KCNQ3: variants seen among roughly 807,000 people sequenced by gnomAD.
The protein encoded by KCNQ3 is potassium voltage-gated channel subfamily Q member 3.
In KCNQ3, 30 loss-of-function variants were observed where a neutral mutation model predicts 92.5. That is an observed-to-expected ratio of 0.32 (90% confidence interval 0.24 to 0.44). The LOEUF (loss-of-function observed/expected upper bound fraction) is 0.44, where lower values mean the gene tolerates loss of function less well. Among genes scored for constraint, KCNQ3 ranks in the 20% least tolerant of loss-of-function variants. The pLI is 1.00. For synonymous variants in KCNQ3, 450 were observed against 468.8 expected (o/e 0.96, Z 0.52); for missense variants, 913 against 1,140.3 (o/e 0.80, Z 2.87).
intron 1 of KCNQ3, among the ~76,000 whole-genome samples, chr8:132,235,269 GT>G (rs61225474): frequency 0.14 from 21,593 of 150,610 alleles, 1,803 homozygotes; most frequent in African/African-American, 0.23. Context: ...GAGGCCAAGG[GT>G]GGGGGGGGAA....
intron 1 of KCNQ3, among the ~76,000 whole-genome samples, chr8:132,242,754 A>T (rs1249485927): frequency 6.6e-6 from 1 of 152,234 alleles, no homozygotes; most frequent in African/African-American, 2.4e-5. Context: ...ATTATTTTTT[A>T]ATCTGAATCC....
chr8:132,347,360 A>G (rs1256287699), intron 1 of KCNQ3, among the ~76,000 whole-genome samples: 1 of 152,146 alleles, frequency 6.6e-6, no homozygotes, highest in Non-Finnish European at 1.5e-5. Flanking sequence ...GATGATGGTG[A>G]TGATCTTATA....
chr8:132,195,006 C>T (rs984239209), intron 1 of KCNQ3, among the ~76,000 whole-genome samples: 2 of 152,150 alleles, frequency 1.3e-5, no homozygotes, highest in African/African-American at 4.8e-5. Context: ...CTGATTACAA[C>T]CCGTCCACTT....
intron 9 of KCNQ3, among the ~76,000 whole-genome samples, chr8:132,142,726 T>C (rs1300990597): frequency 6.6e-6 from 1 of 152,158 alleles, no homozygotes; most frequent in African/African-American, 2.4e-5. Context: ...CAGCTCTGCA[T>C]GGGTTTGCGA....
At chr8:132,371,371 C>A (rs1457825917) in intron 1 of KCNQ3, among the ~76,000 whole-genome samples, 1 of 152,166 alleles carries the variant, frequency 6.6e-6, no homozygotes, top group African/African-American at 2.4e-5. Context: ...TACTGAATCC[C>A]AAAGCAGGTA....
chr8:132,375,850 A>C (rs1312471552), intron 1 of KCNQ3, among the ~76,000 whole-genome samples: 2 of 152,144 alleles, frequency 1.3e-5, no homozygotes, highest in African/African-American at 4.8e-5. Flanking sequence ...CCCCCATGCC[A>C]GGTAAATGCT....
intron 1 of KCNQ3, among the ~76,000 whole-genome samples, chr8:132,399,373 C>G (rs1293492104): frequency 2.0e-5 from 3 of 152,122 alleles, no homozygotes; most frequent in Admixed American, 1.3e-4. Context: ...CTGCCTGTCC[C>G]TCAGGAAGAC....
In KCNQ3 at chr8:132,123,727, AAAG is replaced by A. The variant is rs1287016678; in HGVS notation, c.*5532_*5534del. 1 of 152,202 alleles carries A rather than the reference AAAG, an allele frequency of 6.6e-6. No homozygotes were observed. The highest frequency in any genetic ancestry group is 1.5e-5 in the Non-Finnish European group (1 of 68,050). The allele number at this position is 152,202 out of a possible 1,614,324, so 9.4% of individuals were successfully genotyped here. A position where few individuals can be genotyped will look rare whatever the true frequency, so the allele number is the denominator to read the frequency against. Reference sequence around the variant, plus strand: ...TCTGAGCTTCTGCTTCTTGATCTAAAAAGACAGGTGGTTGTTCTGGGTGATCAA... The same window carrying A: ...TCTGAGCTTCTGCTTCTTGATCTAAAACAGGTGGTTGTTCTGGGTGATCAA... On this transcript the variant is annotated 3_prime_UTR_variant, in exon 15 of 15. Transcript: ENST00000388996.
intron 1 of KCNQ3, among the ~76,000 whole-genome samples, chr8:132,249,408 C>T (rs1039037866): frequency 1.2e-4 from 19 of 152,208 alleles, no homozygotes; most frequent in Non-Finnish European, 2.2e-4. Context: ...TAAGTCCCCA[C>T]TAGATTAGCT....
At chr8:132,394,108 T>C (rs897105267) in intron 1 of KCNQ3, among the ~76,000 whole-genome samples, 4 of 152,154 alleles carry the variant, frequency 2.6e-5, no homozygotes, top group Non-Finnish European at 5.9e-5. Flanking sequence ...GAAACCTGAC[T>C]CTGATTCAGG....
chr8:132,354,568 C>A (rs546716063), intron 1 of KCNQ3, among the ~76,000 whole-genome samples: 1 of 152,312 alleles, frequency 6.6e-6, no homozygotes, highest in East Asian at 1.9e-4. Context: ...CTGGGGTCAG[C>A]ACACCCTCTC....
intron 1 of KCNQ3, among the ~76,000 whole-genome samples, chr8:132,369,842 G>C (rs758124795): frequency 6.6e-6 from 1 of 152,190 alleles, no homozygotes. Context: ...GGAAGACATG[G>C]AGTATGACAA....
chr8:132,360,039 T>C (rs1256328548), intron 1 of KCNQ3, among the ~76,000 whole-genome samples: 1 of 152,210 alleles, frequency 6.6e-6, no homozygotes, highest in African/African-American at 2.4e-5. Context: ...TGGTTCTCAC[T>C]TCTCCCAGTT....
At chr8:132,189,827 C>G (rs1164864053) in intron 1 of KCNQ3, among the ~76,000 whole-genome samples, 3 of 47,318 alleles carry the variant, frequency 6.3e-5, no homozygotes, top group African/African-American at 2.9e-4. Context: ...AACTCCATCT[C>G]AAAAAAAAAA....
chr8:132,466,185 C>G (rs1172578418), intron 1 of KCNQ3, among the ~76,000 whole-genome samples: 1 of 151,990 alleles, frequency 6.6e-6, no homozygotes, highest in South Asian at 2.1e-4. Context: ...ACTTTTAATT[C>G]ATTTTTTTCC....
intron 1 of KCNQ3, chr8:132,321,661 T>C (rs1424354205): frequency 6.6e-6 from 1 of 152,220 alleles, no homozygotes; most frequent in Non-Finnish European, 1.5e-5. Flanking sequence ...TCACCTAGTT[T>C]CCTAACCACA....
chr8:132,207,986 G>A (rs1480614571), intron 1 of KCNQ3, among the ~76,000 whole-genome samples: 1 of 150,578 alleles, frequency 6.6e-6, no homozygotes, highest in African/African-American at 2.4e-5. Context: ...GACAGCTTCT[G>A]CTTGCTCAGC....
intron 1 of KCNQ3, among the ~76,000 whole-genome samples, chr8:132,269,384 T>G (rs186203239): frequency 3.0e-4 from 46 of 152,340 alleles, no homozygotes; most frequent in Non-Finnish European, 5.7e-4. Context: ...GTGAAGAGCA[T>G]AAAGTCTGTG....
At chr8:132,135,645 G>T (rs1190701087) in intron 12 of KCNQ3, among the ~76,000 whole-genome samples, 2 of 151,966 alleles carry the variant, frequency 1.3e-5, no homozygotes, top group Non-Finnish European at 2.9e-5. Context: ...AAAATTGGCT[G>T]GTATTTTTGG....
Sources: gnomAD v4.1 joint callset for allele counts (sites outside exome capture counted in the v4.1 genomes callset) on GRCh38, gnomAD v4.1.1 for gene constraint, MANE v1.5 for transcripts, NCBI Gene and HGNC (gene_info 2026-07-23, HGNC 2026-07-21) for gene names.